Variants in ANOS1 observed in about 807,000 individuals in gnomAD.
The protein encoded by ANOS1 is anosmin-1.
In ANOS1, 6 loss-of-function variants were observed where a neutral mutation model predicts 59.0. That is an observed-to-expected ratio of 0.10 (90% CI 0.06 to 0.20). The LOEUF is 0.20. ANOS1 is among the 10% of genes least tolerant of loss of function. ANOS1 has a pLI of 1.00. For synonymous variants in ANOS1, 217 were observed against 223.4 expected (o/e 0.97, Z 0.25); for missense variants, 433 against 542.3 (o/e 0.80, Z 2.00).
chrX:8,635,231 T>C (rs967902375), intron 2 of ANOS1, among the ~76,000 whole-genome samples: 1 of 111,297 alleles, frequency 9.0e-6, no homozygotes, highest in Admixed American at 9.7e-5. Flanking sequence ...AAGTCCTTCT[T>C]ACAACATCCA....
intron 9 of ANOS1, among the ~76,000 whole-genome samples, chrX:8,553,358 G>A (rs1322129825): frequency 1.8e-5 from 2 of 111,706 alleles, no homozygotes; most frequent in African/African-American, 6.5e-5. Flanking sequence ...ATAATGACAT[G>A]TATTATGATA....
chrX:8,698,492 C>T (rs1932716406), intron 2 of ANOS1, among the ~76,000 whole-genome samples: 1 of 112,123 alleles, frequency 8.9e-6, no homozygotes, highest in Admixed American at 9.5e-5. Flanking sequence ...TTTAATCAGC[C>T]TCATAGCATT....
chrX:8,668,098 T>C (rs957671506), intron 2 of ANOS1, among the ~76,000 whole-genome samples: 10 of 108,678 alleles, frequency 9.2e-5, no homozygotes, highest in African/African-American at 3.4e-4. Flanking sequence ...GTAAGTTCTT[T>C]AGTGGTGATT....
At position 8,673,749 on chromosome X, in the gene ANOS1, T is replaced by C. The variant is rs767519588; in HGVS notation, c.255+25949A>G. ...TTTTTAAGTGGTCACGTTAGGTAAG[T>C]ATCCCCTCATTAGAACAGAGACAAT... On this transcript the variant is annotated intron_variant, in intron 2 of 13. Coordinates refer to ENST00000262648, the MANE Select transcript of ANOS1 (RefSeq NM_000216.4). 7.2e-5 allele frequency among the ~76,000 whole-genome samples: 8 copies of C among 111,748 alleles called. No homozygotes were observed. In the South Asian group the frequency reaches 2.7e-3, roughly 37 times the overall value.
intron 2 of ANOS1, among the ~76,000 whole-genome samples, chrX:8,689,223 C>A (rs1932567206): frequency 9.0e-6 from 1 of 111,585 alleles, no homozygotes; most frequent in Non-Finnish European, 1.9e-5. Context: ...TTTGTGAGTT[C>A]TTTTTTTATC....
At chrX:8,561,134 C>T (rs1273754123) in intron 8 of ANOS1, among the ~76,000 whole-genome samples, 1 of 111,709 alleles carries the variant, frequency 9.0e-6, no homozygotes, top group Non-Finnish European at 1.9e-5. Context: ...TAATCTACAT[C>T]AACTCAATTT....
intron 2 of ANOS1, among the ~76,000 whole-genome samples, chrX:8,644,241 C>T (rs1487629123): frequency 9.0e-6 from 1 of 111,423 alleles, no homozygotes; most frequent in Non-Finnish European, 1.9e-5. Flanking sequence ...AGTTCTAAGC[C>T]TCCACTCAAT....
At chrX:8,541,638 G>C (rs760541809) in intron 9 of ANOS1, among the ~76,000 whole-genome samples, 18 of 74,948 alleles carry the variant, frequency 2.4e-4, no homozygotes, top group African/African-American at 8.8e-4. Context: ...GGGTGTGATG[G>C]AAATGTTCTG....
Position 8,536,773 on chromosome X carries a change from G to A in ANOS1, c.1619C>T (p.Ala540Val), listed in dbSNP as rs1490413215. The A allele has an allele frequency of 8.3e-7, 1 of 1,205,565 alleles. No individual in the cohort carries two copies. Among genetic ancestry groups the A allele is most frequent in the Non-Finnish European group, 1.1e-6 (1 of 890,865 alleles). ...SHKPVGCLGE[A>V]GHVLSKVLAK... The stretch of plus-strand genomic sequence containing the variant: ...AAGTCCTTCAGGTGAAAACGTACCT[G>A]CTTCGCCCAGGCAGCCAACAGGCTT... The change falls in exon 11 of 14, where the codon GCA becomes GTA. Residue 540 changes from alanine (A) to valine (V), a missense_variant and splice_region_variant. By Grantham distance (64) the Ala-to-Val change is moderately conservative (BLOSUM62 0). Transcript: ENST00000262648.
intron 7 of ANOS1, 123 bp from the exon 8 acceptor site, chrX:8,568,499 TA>T (rs1930161340): frequency 1.5e-6 from 1 of 669,310 alleles, no homozygotes; most frequent in Admixed American, 2.6e-5. Context: ...CCAACTTTTC[TA>T]TATCTTTGGG....
intron 1 of ANOS1, among the ~76,000 whole-genome samples, chrX:8,727,051 C>T (rs149691988): frequency 1.1e-3 from 127 of 112,457 alleles, no homozygotes; most frequent in African/African-American, 3.8e-3. Flanking sequence ...GTTTCACAGA[C>T]GTATGAACAG....
intron 1 of ANOS1, among the ~76,000 whole-genome samples, chrX:8,713,670 C>T (rs778820030): frequency 8.4e-5 from 9 of 107,410 alleles, no homozygotes; most frequent in East Asian, 5.9e-4. Context: ...TGGAGTGCAA[C>T]GACGCGATCT....
At chrX:8,667,342 C>T (rs918644579) in intron 2 of ANOS1, among the ~76,000 whole-genome samples, 7 of 110,228 alleles carry the variant, frequency 6.4e-5, no homozygotes, top group Non-Finnish European at 3.8e-5. Flanking sequence ...TGGTTGTTTT[C>T]TTGAGACAGA....
intron 6 of ANOS1, among the ~76,000 whole-genome samples, chrX:8,575,856 T>C (rs1569053286): frequency 1.8e-5 from 2 of 111,260 alleles, no homozygotes. Context: ...GTAATCTTAG[T>C]GCTTTGGGAA....
At position 8,649,161 on chromosome X, in the gene ANOS1, C is replaced by T. The variant is rs147090946; in HGVS notation, c.256-25491G>A. ...GTGCCCAGAGTATTCACAAAAGGGC[C>T]GGTCCTGACCTCCAAGATGTTTCAT... On this transcript the variant is annotated intron_variant, in intron 2 of 13. Transcript: ENST00000262648. Among the ~76,000 whole-genome samples, 603 of 111,655 alleles carry T rather than the reference C, an allele frequency of 5.4e-3. 15 individuals are homozygous for T. In the South Asian group the frequency reaches 0.079, roughly 15 times the overall value.
At chrX:8,571,199 A>G (rs1930227532) in intron 6 of ANOS1, among the ~76,000 whole-genome samples, 1 of 111,453 alleles carries the variant, frequency 9.0e-6, no homozygotes, top group African/African-American at 3.3e-5. Context: ...ATTAAAAGAT[A>G]GAGTATTAAA....
At chrX:8,559,273 A>AACCAGGAC (rs1334314616) in intron 8 of ANOS1, among the ~76,000 whole-genome samples, 4 of 112,140 alleles carry the variant, frequency 3.6e-5, no homozygotes, top group Non-Finnish European at 5.6e-5. Flanking sequence ...TTTGTGAAGA[A>AACCAGGAC]ACCAGGACAC....
chrX:8,603,308 G>A (rs781150845), intron 3 of ANOS1, among the ~76,000 whole-genome samples: 4 of 111,286 alleles, frequency 3.6e-5, no homozygotes, highest in Non-Finnish European at 7.5e-5. Context: ...ATATGTTAAC[G>A]AATAGATATA....
At chrX:8,664,207 C>A (rs745531385) in intron 2 of ANOS1, among the ~76,000 whole-genome samples, 17 of 111,946 alleles carry the variant, frequency 1.5e-4, no homozygotes, top group Non-Finnish European at 3.0e-4. Context: ...TGTTTGTTTT[C>A]TGAGATGGAG....
Sources: gnomAD v4.1 joint callset for allele counts (sites outside exome capture counted in the v4.1 genomes callset) on GRCh38, gnomAD v4.1.1 for gene constraint, MANE v1.5 for transcripts, NCBI Gene and HGNC (gene_info 2026-07-23, HGNC 2026-07-21) for gene names.